LONP2: variants seen among roughly 807,000 people sequenced by gnomAD.
LONP2 encodes lon protease homolog 2, peroxisomal.
Under a neutral mutation model 85.6 loss-of-function variants are expected in LONP2, and 60 were observed. That is an observed-to-expected ratio of 0.70 (90% CI 0.57 to 0.87). LONP2 has a LOEUF of 0.87. Among genes scored for constraint, LONP2 ranks in the 40% least tolerant of loss-of-function variants. The pLI is 0.00. For missense variants in LONP2, 860 were observed against 1,063.5 expected (o/e 0.81, Z 2.66); for synonymous variants, 395 against 389.7 (o/e 1.01, Z -0.16).
At chr16:48,328,450 C>T (rs923239414) in intron 11 of LONP2, among the ~76,000 whole-genome samples, 1 of 151,416 alleles carries the variant, frequency 6.6e-6, no homozygotes. Flanking sequence ...GAGGCCGTGG[C>T]GGGTGGATCA....
downstream of LONP2, chr16:48,362,140 G>A: frequency 1.2e-6 from 2 of 1,614,142 alleles, no homozygotes; most frequent in Non-Finnish European, 1.7e-6. This position sits in a 1 kb window ranked among gnomAD's most constrained non-coding sequence, Gnocchi z 4.2. Flanking sequence ...TATTTACAGG[G>A]GAAAAGTACT....
At chr16:48,253,936 G>A (rs930277866) in intron 2 of LONP2, among the ~76,000 whole-genome samples, 4 of 152,256 alleles carry the variant, frequency 2.6e-5, no homozygotes, top group South Asian at 4.2e-4. Flanking sequence ...TTGAGTTAAT[G>A]TATACTAATT....
At chr16:48,283,638 A>G (rs537137954) in intron 8 of LONP2, among the ~76,000 whole-genome samples, 1 of 152,386 alleles carries the variant, frequency 6.6e-6, no homozygotes, top group South Asian at 2.1e-4. Flanking sequence ...TTCAAAAAAA[A>G]TAGATTCTTT....
Position 48,277,391 on chromosome 16 carries a change from T to C in LONP2, c.1295T>C (p.Val432Ala), listed in dbSNP as rs1972233295. 1 of 1,613,646 alleles carries C rather than the reference T, an allele frequency of 6.2e-7. No homozygotes were observed. Among genetic ancestry groups the C allele is most frequent in the Non-Finnish European group, 8.5e-7 (1 of 1,179,840 alleles). ...CGCATCATCAACGGCTTGAAGACTG[T>C]GGGAGTGAACAACCCAGTGTTCCTA... is the stretch of plus-strand genomic sequence containing the variant. ...PGRIINGLKT[V>A]GVNNPVFLLD... is the part of the protein sequence containing the mutation. The change falls in exon 8 of 15, where the codon GTG (valine) becomes GCG (alanine). Residue 432 changes from valine (V) to alanine (A), a missense_variant. Physicochemically the swap from Val to Ala is moderately conservative, Grantham distance 64. Coordinates refer to ENST00000285737, the MANE Select transcript of LONP2 (RefSeq NM_031490.5).
intron 11 of LONP2, among the ~76,000 whole-genome samples, chr16:48,333,408 T>G (rs893869564): frequency 2.6e-5 from 4 of 152,174 alleles, no homozygotes; most frequent in Admixed American, 2.6e-4. Context: ...TTATATTTAT[T>G]TATTGGAAAA....
intron 6 of LONP2, among the ~76,000 whole-genome samples, chr16:48,265,894 G>T: frequency 6.6e-6 from 1 of 152,078 alleles, no homozygotes; most frequent in East Asian, 1.9e-4. Flanking sequence ...TTTCATCAGT[G>T]TTTTATAATT....
At chr16:48,245,956 G>A (rs1388167280) in intron 1 of LONP2, among the ~76,000 whole-genome samples, 2 of 152,106 alleles carry the variant, frequency 1.3e-5, no homozygotes, top group Admixed American at 1.3e-4. Flanking sequence ...TTTCCTGGCA[G>A]TTATCCCTTA....
chr16:48,248,214 C>T (rs897224198), intron 1 of LONP2, among the ~76,000 whole-genome samples: 1 of 151,936 alleles, frequency 6.6e-6, no homozygotes, highest in African/African-American at 2.4e-5. Context: ...CTTTGCCTCC[C>T]AGGTTCAAGT....
intron 8 of LONP2, among the ~76,000 whole-genome samples, chr16:48,294,667 A>G (rs1972630392): frequency 6.6e-6 from 1 of 151,932 alleles, no homozygotes; most frequent in Non-Finnish European, 1.5e-5. Flanking sequence ...TCAGGAGGCA[A>G]AGATTGTAGT....
intron 4 of LONP2, among the ~76,000 whole-genome samples, chr16:48,259,721 G>C (rs1174242003): frequency 6.6e-6 from 1 of 152,202 alleles, no homozygotes; most frequent in Non-Finnish European, 1.5e-5. Context: ...TAGGAACAGT[G>C]ATGATCATGC....
At chr16:48,311,739 T>A (rs977749337) in intron 11 of LONP2, among the ~76,000 whole-genome samples, 2 of 152,120 alleles carry the variant, frequency 1.3e-5, no homozygotes, top group African/African-American at 4.8e-5. Flanking sequence ...TCTGCCTCAC[T>A]GTCCTAAGTA....
chr16:48,312,343 C>G (rs1973050244), intron 11 of LONP2, among the ~76,000 whole-genome samples: 1 of 151,744 alleles, frequency 6.6e-6, no homozygotes, highest in South Asian at 2.1e-4. Flanking sequence ...CTGTGTTTCT[C>G]TGGGGGTGTC....
intron 3 of LONP2, 58 bp downstream of exon 3, chr16:48,256,799 T>C (rs72802163): frequency 1.3e-6 from 2 of 1,532,364 alleles, no homozygotes; most frequent in East Asian, 2.3e-5. Context: ...GAGATCTAGA[T>C]AGTGAGTAGT....
chr16:48,269,868 C>A, intron 6 of LONP2, 148 bp from the exon 7 acceptor site: 2 of 770,520 alleles, frequency 2.6e-6, no homozygotes, highest in Non-Finnish European at 4.0e-6. Flanking sequence ...AAATGCAGAT[C>A]TCCTAGAATC....
intron 1 of LONP2, among the ~76,000 whole-genome samples, chr16:48,250,608 C>T (rs1164190259): frequency 1.3e-5 from 2 of 152,204 alleles, no homozygotes; most frequent in Non-Finnish European, 2.9e-5. Context: ...TCTGGTTCCT[C>T]CTTGGTTTCT....
chr16:48,268,664 A>C (rs984513616), intron 6 of LONP2, among the ~76,000 whole-genome samples: 2 of 152,168 alleles, frequency 1.3e-5, no homozygotes, highest in African/African-American at 4.8e-5. Flanking sequence ...GAAACTCTCT[A>C]TCTTTCACTT....
rs995716458 is a variant in LONP2 at position 48,261,504 on chromosome 16, T to C, written c.804T>C (p.Asp268=). The part of the protein sequence containing the change: ...LEDEDEDEDN[D]DIVMLEKKIR... ...ATGAAGATGAAGATGAAGATAATGA[T>C]GACATTGTCATGCTAGAGAAAAAAA... Residue 268 remains aspartate (D), a synonymous_variant, in exon 5 of 15, where the codon GAT becomes GAC. Transcript: ENST00000285737. 2.5e-6 allele frequency: 4 copies of C among 1,607,768 alleles called. No individual in the cohort carries two copies. The African/African-American group carries it at 4.1e-5, about 16-fold the overall frequency.
intron 14 of LONP2, among the ~76,000 whole-genome samples, chr16:48,350,684 T>TAGC (rs1960116050): frequency 6.6e-6 from 1 of 152,238 alleles, no homozygotes; most frequent in Admixed American, 6.5e-5. Context: ...TTCAAGTTCC[T>TAGC]GTGGGCCAGG....
At chr16:48,297,651 C>A (rs1298744178) in intron 9 of LONP2, among the ~76,000 whole-genome samples, 2 of 151,916 alleles carry the variant, frequency 1.3e-5, no homozygotes, top group Non-Finnish European at 2.9e-5. Flanking sequence ...ATGTATTTTT[C>A]ATATTAATCT....
Sources: gnomAD v4.1 joint callset for allele counts (sites outside exome capture counted in the v4.1 genomes callset) on GRCh38, gnomAD v4.1.1 for gene constraint, Gnocchi (gnomAD v3.1) non-coding constraint, MANE v1.5 for transcripts, NCBI Gene and HGNC (gene_info 2026-07-23, HGNC 2026-07-21) for gene names.